ADAMTSL1: variants seen among roughly 807,000 people sequenced by gnomAD.
ADAMTSL1 encodes ADAMTS like 1, also known as ADAMTS-like protein 1.
Under a neutral mutation model 201.8 loss-of-function variants are expected in ADAMTSL1, and 126 were observed. The observed-to-expected ratio is 0.62, with a 90% CI of 0.54 to 0.72. The LOEUF (loss-of-function observed/expected upper bound fraction) is 0.72, where lower values mean the gene tolerates loss of function less well. Among genes scored for constraint, ADAMTSL1 ranks in the 30% least tolerant of loss-of-function variants. The pLI, the probability that ADAMTSL1 is intolerant of heterozygous loss-of-function variation, is 0.00. For missense variants in ADAMTSL1, 2,679 were observed against 2,277.8 expected, an observed-to-expected ratio of 1.18 and a Z score of -3.59; for synonymous variants, 1,121 against 903.4, an observed-to-expected ratio of 1.24 and a Z score of -4.32.
chr9:18,282,490 C>G (rs188715196), intron 2 of ADAMTSL1, among the ~76,000 whole-genome samples: 2 of 152,312 alleles, frequency 1.3e-5, no homozygotes, highest in East Asian at 3.9e-4. Context: ...TGACTCATTT[C>G]TATTTAAATT....
At chr9:18,622,462 C>G (rs1276767005) in intron 5 of ADAMTSL1, 93 bp downstream of exon 5, 3 of 1,558,264 alleles carry the variant, frequency 1.9e-6, no homozygotes, top group South Asian at 2.3e-5. Flanking sequence ...GGAACAACAC[C>G]TCCACCAAAA....
intron 2 of ADAMTSL1, among the ~76,000 whole-genome samples, chr9:18,210,967 A>G (rs1290504465): frequency 2.0e-5 from 3 of 151,748 alleles, no homozygotes; most frequent in East Asian, 1.9e-4. Flanking sequence ...GATAAGTTCT[A>G]TTAAAAAAAA....
chr9:18,618,778 A>T (rs957067160), intron 4 of ADAMTSL1, among the ~76,000 whole-genome samples: 2 of 152,190 alleles, frequency 1.3e-5, no homozygotes, highest in African/African-American at 4.8e-5. Context: ...AGCTTCTTTT[A>T]AGTAGCCTTC....
intron 14 of ADAMTSL1, among the ~76,000 whole-genome samples, chr9:18,715,777 C>A (rs10732339): frequency 0.86 from 129,281 of 150,880 alleles, 55,810 homozygotes; most frequent in Admixed American, 0.91. Context: ...CCACATTGCC[C>A]AGTCAATCCT....
intron 23 of ADAMTSL1, among the ~76,000 whole-genome samples, chr9:18,844,514 G>T (rs1046313561): frequency 6.6e-6 from 1 of 152,226 alleles, no homozygotes; most frequent in African/African-American, 2.4e-5. Flanking sequence ...AAGGCAGTCT[G>T]CCCATTCTCA....
intron 19 of ADAMTSL1, among the ~76,000 whole-genome samples, chr9:18,788,568 A>G (rs1821844585): frequency 6.6e-6 from 1 of 152,220 alleles, no homozygotes; most frequent in African/African-American, 2.4e-5. Context: ...TGGGAAAATA[A>G]CATCAATCTA....
chr9:18,787,882 G>C (rs1310337258), intron 19 of ADAMTSL1, among the ~76,000 whole-genome samples: 15 of 152,128 alleles, frequency 9.9e-5, no homozygotes, highest in Admixed American at 9.8e-4. Flanking sequence ...TTTGAAATGA[G>C]TTACCCAGCA....
chr9:17,996,131 A>G (rs965135722), intron 1 of ADAMTSL1, among the ~76,000 whole-genome samples: 6 of 151,744 alleles, frequency 4.0e-5, no homozygotes, highest in African/African-American at 1.4e-4. Context: ...AAATTATCAC[A>G]TCCTAACTTA....
At chr9:18,446,918 G>T (rs1820214124) in intron 2 of ADAMTSL1, among the ~76,000 whole-genome samples, 2 of 151,312 alleles carry the variant, frequency 1.3e-5, no homozygotes, top group Non-Finnish European at 2.9e-5. Context: ...AGTGTGGACT[G>T]AAGACAGTTT....
At chr9:18,195,513 C>T (rs1829141069) in intron 2 of ADAMTSL1, among the ~76,000 whole-genome samples, 1 of 152,146 alleles carries the variant, frequency 6.6e-6, no homozygotes, top group African/African-American at 2.4e-5. Flanking sequence ...AGTTGTCTGA[C>T]TCCACGTCTC....
chr9:18,577,981 T>A (rs1822845764), intron 4 of ADAMTSL1, among the ~76,000 whole-genome samples: 1 of 129,994 alleles, frequency 7.7e-6, no homozygotes, highest in Non-Finnish European at 1.6e-5. Context: ...GCCCTTTACT[T>A]TTCTCTTTTT....
At chr9:18,396,313 T>C (rs941790103) in intron 2 of ADAMTSL1, among the ~76,000 whole-genome samples, 1 of 152,136 alleles carries the variant, frequency 6.6e-6, no homozygotes, top group Non-Finnish European at 1.5e-5. Context: ...CCTGGACTTA[T>C]TCAATATAAA....
At chr9:18,322,636 A>C (rs1834671305) in intron 2 of ADAMTSL1, among the ~76,000 whole-genome samples, 1 of 152,132 alleles carries the variant, frequency 6.6e-6, no homozygotes. Context: ...ACCCTGTCTC[A>C]ACAACAACAA....
intron 4 of ADAMTSL1, among the ~76,000 whole-genome samples, chr9:18,589,040 C>A (rs1823739938): frequency 6.6e-6 from 1 of 151,462 alleles, no homozygotes; most frequent in Non-Finnish European, 1.5e-5. Context: ...CCATGACTGG[C>A]TAATTTTTGT....
At chr9:18,092,776 C>G (rs947093744) in intron 1 of ADAMTSL1, among the ~76,000 whole-genome samples, 1 of 152,228 alleles carries the variant, frequency 6.6e-6, no homozygotes, top group Admixed American at 6.5e-5. Context: ...TTCACACTTG[C>G]ACTTAATGAA....
At chr9:18,285,176 A>G (rs1270257844) in intron 2 of ADAMTSL1, among the ~76,000 whole-genome samples, 5 of 152,204 alleles carry the variant, frequency 3.3e-5, no homozygotes, top group Admixed American at 2.0e-4. Flanking sequence ...AAGGCAGTAT[A>G]TAAAAGTGTC....
chr9:18,185,010 C>T (rs1441211266), intron 2 of ADAMTSL1, among the ~76,000 whole-genome samples: 1 of 152,030 alleles, frequency 6.6e-6, no homozygotes, highest in South Asian at 2.1e-4. Flanking sequence ...TGATTGGCAC[C>T]AGAAGTCTTT....
chr9:18,280,404 CAAAAAAA>C (rs35683008), intron 2 of ADAMTSL1, among the ~76,000 whole-genome samples: 1 of 131,876 alleles, frequency 7.6e-6, no homozygotes, highest in Non-Finnish European at 1.6e-5. Context: ...GTTTATCTCT[CAAAAAAA>C]AAAAAAAAGC....
chr9:18,065,177 C>G (rs1346527407), intron 1 of ADAMTSL1, among the ~76,000 whole-genome samples: 1 of 151,972 alleles, frequency 6.6e-6, no homozygotes, highest in Non-Finnish European at 1.5e-5. Context: ...AAACCTGGCT[C>G]TATATACCAC....
Sources: allele counts gnomAD v4.1 joint callset (sites outside exome capture counted in the v4.1 genomes callset), GRCh38; gene constraint gnomAD v4.1.1; transcripts MANE v1.5; gene names NCBI Gene and HGNC (gene_info 2026-07-23, HGNC 2026-07-21).